The following ZFP2 variants were observed in gnomAD, a reference collection of about 807,000 sequenced individuals.
ZFP2 encodes zinc finger protein ZFP2.
In ZFP2, 33 loss-of-function variants were observed where a neutral mutation model predicts 36.1. The observed-to-expected ratio is 0.92, with a 90% CI of 0.69 to 1.22. ZFP2 has a LOEUF of 1.22. Among genes scored for constraint, ZFP2 ranks in the 50% most tolerant of loss-of-function variants. The probability of loss-of-function intolerance (pLI) is 0.00; values close to 1 mark genes in which losing one functional copy is unlikely to be tolerated. For missense variants in ZFP2, 522 were observed against 551.4 expected (o/e 0.95, Z 0.53); for synonymous variants, 170 against 178.0 (o/e 0.96, Z 0.36).
intron 4 of ZFP2, among the ~76,000 whole-genome samples, chr5:178,917,937 T>C (rs1026795851): frequency 3.9e-5 from 6 of 152,258 alleles, no homozygotes; most frequent in African/African-American, 1.4e-4. Context: ...TCTGGGAAGC[T>C]TTCCCTTAGA....
At position 178,932,357 on chromosome 5, in the gene ZFP2, CACTGGAGAGAA is replaced by C. The variant is rs754478287; in HGVS notation, c.1047_1057del (p.Gly350LeufsTer2). 6.2e-6 allele frequency: 10 copies of C among 1,614,078 alleles called. No homozygotes were observed. The Admixed American group carries it at 1.7e-4, about 27-fold the overall frequency. The stretch of plus-strand genomic sequence containing the variant: ...CTCTAACTCAACATCGGAGAATTCA[CACTGGAGAGAA>C]ACCTTATGAGTGTATGGTGTGTGGA... On this transcript the variant is annotated frameshift_variant, in exon 5 of 5. Coordinates refer to ENST00000361362, the MANE Select transcript of ZFP2 (RefSeq NM_030613.4). LOFTEE classifies it high-confidence loss of function.
At chr5:178,914,419 T>C (rs1466767836) in intron 3 of ZFP2, among the ~76,000 whole-genome samples, 1 of 152,190 alleles carries the variant, frequency 6.6e-6, no homozygotes, top group African/African-American at 2.4e-5. Context: ...TAGATACTAT[T>C]TTGTGTTTAA....
chr5:178,901,288 C>T (rs188405630), intron 1 of ZFP2, among the ~76,000 whole-genome samples: 40 of 152,332 alleles, frequency 2.6e-4, no homozygotes, highest in African/African-American at 9.4e-4. Context: ...GAATTCCAGT[C>T]GCTCTACATG....
chr5:178,913,512 A>C (rs1265634553), intron 3 of ZFP2, among the ~76,000 whole-genome samples: 1 of 152,204 alleles, frequency 6.6e-6, no homozygotes, highest in East Asian at 1.9e-4. Flanking sequence ...CTTCAAAGGA[A>C]ACTAACATTT....
At chr5:178,931,194 A>G in intron 4 of ZFP2, 43 bp from the exon 5 acceptor site, 1 of 1,481,210 alleles carries the variant, frequency 6.8e-7, no homozygotes, top group Non-Finnish European at 8.9e-7. Flanking sequence ...CCAGTCTCCT[A>G]GCACAGAAAC....
chr5:178,932,309 A>G lies in ZFP2; in HGVS notation c.996A>G (p.Gly332=), dbSNP rs61746646. 4,477 of 1,614,174 alleles carry G rather than the reference A, an allele frequency of 2.8e-3. 102 individuals are homozygous for G. In the African/African-American group the frequency reaches 0.05, roughly 18 times the overall value. The part of the protein sequence containing the change: ...GVKPFECNEC[G]KAFSKNSSLT... The stretch of plus-strand genomic sequence containing the variant: ...AACCTTTTGAATGTAACGAGTGTGG[A>G]AAAGCTTTCAGTAAGAATTCATCTC... The change falls in exon 5 of 5, where the codon GGA becomes GGG. Residue 332 remains glycine, a synonymous_variant. Coordinates refer to ENST00000361362, the MANE Select transcript of ZFP2 (RefSeq NM_030613.4).
At chr5:178,910,679 C>G (rs1758278556) in intron 1 of ZFP2, 1 of 339,460 alleles carries the variant, frequency 2.9e-6, no homozygotes, top group Non-Finnish European at 5.8e-6. Flanking sequence ...CCATGCACCT[C>G]AACATGTCAT....
intron 1 of ZFP2, among the ~76,000 whole-genome samples, chr5:178,896,311 G>T (rs1731346066): frequency 6.6e-6 from 1 of 152,222 alleles, no homozygotes; most frequent in African/African-American, 2.4e-5. Flanking sequence ...CACGGGTCAG[G>T]GAGGGGCCCA....
At chr5:178,919,943 G>A (rs1405204905) in intron 4 of ZFP2, among the ~76,000 whole-genome samples, 2 of 150,808 alleles carry the variant, frequency 1.3e-5, no homozygotes, top group African/African-American at 2.4e-5. Context: ...CAGCCTGGGC[G>A]ACAGAGTGGA....
Position 178,932,971 on chromosome 5 carries a change from G to A in ZFP2, c.*272G>A, listed in dbSNP as rs913570109. 4 of 333,896 alleles carry A rather than the reference G, an allele frequency of 1.2e-5. No homozygotes were observed. Among genetic ancestry groups the A allele is most frequent in the African/African-American group, 2.2e-5 (1 of 46,386 alleles). The allele number at this position is 333,896 out of a possible 1,614,324, so 20.7% of individuals were successfully genotyped here. On this transcript the variant is annotated 3_prime_UTR_variant, in exon 5 of 5. Coordinates refer to ENST00000361362, the MANE Select transcript of ZFP2 (RefSeq NM_030613.4). ...AAGATAAGTTCTGTTATATCATACC[G>A]CACATTCTCCTTTGGCTATCAGAGA...
intron 4 of ZFP2, among the ~76,000 whole-genome samples, chr5:178,920,703 A>G (rs1319591279): frequency 6.6e-6 from 1 of 151,452 alleles, no homozygotes; most frequent in African/African-American, 2.4e-5. Context: ...TTATATGCTC[A>G]TTTTCTTTGC....
chr5:178,906,504 T>C (rs1269398468), intron 1 of ZFP2, among the ~76,000 whole-genome samples: 1 of 152,200 alleles, frequency 6.6e-6, no homozygotes. Flanking sequence ...CGTATATCTT[T>C]TGTAGGTACC....
chr5:178,924,812 C>CACT (rs1758632271), intron 4 of ZFP2, among the ~76,000 whole-genome samples: 1 of 148,532 alleles, frequency 6.7e-6, no homozygotes. Flanking sequence ...TGCGCCATTG[C>CACT]ACTACACCCT....
At position 178,931,683 on chromosome 5, in the gene ZFP2, C is replaced by T; in HGVS notation, c.370C>T (p.His124Tyr). The T allele has an allele frequency of 5.6e-6, 9 of 1,614,162 alleles. No individual in the cohort carries two copies. The highest frequency in any genetic ancestry group is 7.6e-6 in the Non-Finnish European group (9 of 1,180,022). The change falls in exon 5 of 5, where the codon CAT becomes TAT. Residue 124 changes from histidine to tyrosine, a missense_variant. Coordinates refer to ENST00000361362, the MANE Select transcript of ZFP2 (RefSeq NM_030613.4). ...SSSLLKHQRI[H>Y]TGEKPYKCNV... Reference sequence around the variant, plus strand: ...ATCCCTTCTTAAGCACCAGAGGATTCATACTGGGGAGAAACCCTATAAGTG... The same window carrying T: ...ATCCCTTCTTAAGCACCAGAGGATTTATACTGGGGAGAAACCCTATAAGTG...
At chr5:178,906,908 T>G (rs1389572042) in intron 1 of ZFP2, among the ~76,000 whole-genome samples, 1 of 152,004 alleles carries the variant, frequency 6.6e-6, no homozygotes, top group Non-Finnish European at 1.5e-5. Context: ...AAAGATTCCC[T>G]TTTTAATCTG....
At chr5:178,906,868 CT>C (rs111783475) in intron 1 of ZFP2, among the ~76,000 whole-genome samples, 48,774 of 145,982 alleles carry the variant, frequency 0.33, 8,427 homozygotes, top group East Asian at 0.47. Flanking sequence ...GAGTTTTTGT[CT>C]TTTTTTTTTT....
chr5:178,923,349 T>C (rs557107572), intron 4 of ZFP2, among the ~76,000 whole-genome samples: 8 of 149,702 alleles, frequency 5.3e-5, no homozygotes, highest in African/African-American at 1.7e-4. Flanking sequence ...CTCTATGAAT[T>C]TGACTACTCT....
chr5:178,928,546 A>G (rs1364976167), intron 4 of ZFP2, among the ~76,000 whole-genome samples: 1 of 152,168 alleles, frequency 6.6e-6, no homozygotes, highest in Non-Finnish European at 1.5e-5. Flanking sequence ...AAAGCTTCAA[A>G]ATTATTTTCT....
intron 4 of ZFP2, among the ~76,000 whole-genome samples, chr5:178,927,663 A>ATGTGTGTG (rs33974182): frequency 0.015 from 1,385 of 92,418 alleles, 29 homozygotes; most frequent in Admixed American, 0.044. Flanking sequence ...TACCTGGCCA[A>ATGTGTGTG]TGTGTGTGTG....
Sources: gnomAD v4.1 joint callset for allele counts (sites outside exome capture counted in the v4.1 genomes callset) on GRCh38, gnomAD v4.1.1 for gene constraint, MANE v1.5 for transcripts, NCBI Gene and HGNC (gene_info 2026-07-23, HGNC 2026-07-21) for gene names.